Variants in SLC22A31 observed in about 807,000 individuals in gnomAD.
SLC22A31 encodes the protein putative solute carrier family 22 member 31.
Under a neutral mutation model 27.4 loss-of-function variants are expected in SLC22A31, and 42 were observed. That is an observed-to-expected ratio of 1.53 (90% CI 1.20 to 1.98). The LOEUF (loss-of-function observed/expected upper bound fraction) is 1.98, where lower values mean the gene tolerates loss of function less well. SLC22A31 is among the 30% of genes most tolerant of loss of function. SLC22A31 has a pLI of 0.00. For synonymous variants in SLC22A31, 290 were observed against 230.8 expected, an observed-to-expected ratio of 1.26 and a Z score of -2.33; for missense variants, 593 against 479.9, an observed-to-expected ratio of 1.24 and a Z score of -2.20.
intron 8 of SLC22A31, among the ~76,000 whole-genome samples, chr16:89,196,847 G>A (rs1333555865): frequency 2.6e-5 from 4 of 151,820 alleles, no homozygotes; most frequent in African/African-American, 7.3e-5. Context: ...TCAGGAGGCT[G>A]AGGCAGGAGA....
In SLC22A31 at chr16:89,199,415, G is replaced by C. The variant is rs887131777; in HGVS notation, c.281C>G (p.Ala94Gly). 1 of 569,460 alleles carries C rather than the reference G, an allele frequency of 1.8e-6. No homozygotes were observed. The allele number at this position is 569,460 out of a possible 1,614,324, so 35.3% of individuals were successfully genotyped here. A position where few individuals can be genotyped will look rare whatever the true frequency, so the allele number is the denominator to read the frequency against. The change falls in exon 3 of 9, where the codon GCT becomes GGT. Residue 94 changes from alanine (A) to glycine (G), a missense_variant and splice_region_variant. Physicochemically the swap from Ala to Gly is moderately conservative, Grantham distance 60 (BLOSUM62 0). Transcript: ENST00000682282. ...LAGALLALYL[A>G]RLELCDPPHR... Reference sequence around the variant, plus strand: ...ACAGCAGCCCCCAGGGTACTCACGAGCCAGATACAGGGCGAGGAGGGCCCC... The same window carrying C: ...ACAGCAGCCCCCAGGGTACTCACGACCCAGATACAGGGCGAGGAGGGCCCC...
At chr16:89,199,657 T>C in intron 2 of SLC22A31, 56 bp downstream of exon 2, 2 of 403,192 alleles carry the variant, frequency 5.0e-6, no homozygotes, top group East Asian at 7.1e-5. Context: ...AGCTGAACCC[T>C]GAGAGTGGGC....
upstream of SLC22A31, chr16:89,201,664 T>G: frequency 2.5e-6 from 1 of 395,906 alleles, no homozygotes; most frequent in South Asian, 1.3e-4. Flanking sequence ...TCCTGCTCCA[T>G]CGGTCGCAGG....
chr16:89,197,019 C>T (rs1916005510), intron 8 of SLC22A31, among the ~76,000 whole-genome samples: 1 of 152,120 alleles, frequency 6.6e-6, no homozygotes, highest in Non-Finnish European at 1.5e-5. Flanking sequence ...TTCTGGAGGC[C>T]TCCTCATCTC....
Position 89,197,309 on chromosome 16 carries a change from G to A in SLC22A31, c.1023C>T (p.Pro341=), listed in dbSNP as rs1251044663. ...LSSLFAAEVF[P]TVIRGAGLGL... ...ACCCTGAAGCTCACCTGATCACCGT[G>A]GGGAAGACCTCGGCCGCGAAGAGGC... The change falls in exon 8 of 9, where the codon CCC becomes CCT. Residue 341 remains proline, a synonymous_variant. Transcript: ENST00000682282. The A allele has an allele frequency of 1.3e-6, 2 of 1,535,464 alleles. No individual in the cohort carries two copies. Among genetic ancestry groups the A allele is most frequent in the Admixed American group, 3.9e-5 (2 of 50,964 alleles).
chr16:89,199,986 C>T (rs1431227509), intron 1 of SLC22A31, 170 bp from the exon 2 acceptor site: 4 of 397,390 alleles, frequency 1.0e-5, no homozygotes, highest in Non-Finnish European at 1.8e-5. Flanking sequence ...GTCCAGGTCA[C>T]ACAGCAGCCT....
upstream of SLC22A31, chr16:89,201,372 G>C (rs561662480): frequency 1.1e-3 from 395 of 349,034 alleles, 1 homozygote; most frequent in African/African-American, 8.0e-3. Context: ...CCCGGGGCGG[G>C]TGCAGGGCGC....
chr16:89,201,239 G>A, upstream of SLC22A31: 2 of 369,962 alleles, frequency 5.4e-6, no homozygotes, highest in East Asian at 3.9e-5. Context: ...GAGGGCTGCG[G>A]GGCAGCAGGG....
chr16:89,199,738 C>G lies in SLC22A31; in HGVS notation c.103G>C (p.Val35Leu). 1 of 405,026 alleles carries G rather than the reference C, an allele frequency of 2.5e-6. No individual in the cohort carries two copies. Among genetic ancestry groups the G allele is most frequent in the East Asian group, 3.5e-5 (1 of 28,194 alleles). 25.1% of individuals were successfully genotyped at this position (405,026 alleles called of 1,614,324 possible). A position where few individuals can be genotyped will look rare whatever the true frequency, so the allele number is the denominator to read the frequency against. The change falls in exon 2 of 9, where the codon GTC (valine) becomes CTC (leucine). Residue 35 changes from valine (V) to leucine (L), a missense_variant. Coordinates refer to ENST00000682282, the MANE Select transcript of SLC22A31 (RefSeq NM_001384763.1). ...SHLLGWLLGCVILGAGCDRFG... is the reference protein window; with the variant it reads ...SHLLGWLLGCLILGAGCDRFG... ...CGGTCACAGCCTGCTCCCAGGATGA[C>G]ACAGCCCAGCAGCCAGCCCAGGAGG... is the stretch of plus-strand genomic sequence containing the variant.
At chr16:89,197,056 A>G (rs957616350) in intron 8 of SLC22A31, among the ~76,000 whole-genome samples, 1 of 151,386 alleles carries the variant, frequency 6.6e-6, no homozygotes, top group African/African-American at 2.4e-5. Flanking sequence ...TCCTGGCTTC[A>G]GGCCTGCGTG....
At chr16:89,198,928 C>T (rs1916266286) in intron 4 of SLC22A31, 95 bp downstream of exon 4, 4 of 1,493,474 alleles carry the variant, frequency 2.7e-6, no homozygotes, top group South Asian at 2.5e-5. Flanking sequence ...ACCCTGTAAC[C>T]CATGCGTTTA....
At chr16:89,199,902 G>A in intron 1 of SLC22A31, 86 bp from the exon 2 acceptor site, 2 of 400,632 alleles carry the variant, frequency 5.0e-6, no homozygotes, top group East Asian at 3.6e-5. Context: ...GCTACTGGAA[G>A]GGGCCCTCCA....
In SLC22A31 at chr16:89,198,321, G is replaced by A. The variant is rs768310397; in HGVS notation, c.723C>T (p.Gly241=). The change falls in exon 7 of 9, where the codon GGC becomes GGT. Residue 241 remains glycine (G), a synonymous_variant. Transcript: ENST00000682282. ...ILGFSSLVGG[G]IRASFRRSLA... is the part of the protein sequence containing the mutation. Reference sequence around the variant, plus strand: ...GGCTGCGGCGGAAGCTAGCTCTGATGCCTCCACCAACCAGCCTGGGAGAGA... The same window carrying A: ...GGCTGCGGCGGAAGCTAGCTCTGATACCTCCACCAACCAGCCTGGGAGAGA... 1.4e-4 allele frequency: 216 copies of A among 1,535,916 alleles called. No individual in the cohort carries two copies. Among genetic ancestry groups the A allele is most frequent in the Non-Finnish European group, 1.8e-4 (201 of 1,146,866 alleles).
chr16:89,197,300 G>C lies in SLC22A31; in HGVS notation c.1032C>G (p.Ile344Met). The C allele has an allele frequency of 2.0e-6, 3 of 1,535,414 alleles. No homozygotes were observed. The highest frequency in any genetic ancestry group is 2.6e-6 in the Non-Finnish European group (3 of 1,146,562). Reference protein sequence around the residue: ...LFAAEVFPTVIRGAGLGLVLG... With the variant: ...LFAAEVFPTVMRGAGLGLVLG... ...GGCCGGGCAACCCTGAAGCTCACCT[G>C]ATCACCGTGGGGAAGACCTCGGCCG... The change falls in exon 8 of 9, where the codon ATC becomes ATG. Residue 344 changes from isoleucine (I) to methionine (M), a missense_variant and splice_region_variant. By Grantham distance (10) the Ile-to-Met change is conservative. Coordinates refer to ENST00000682282, the MANE Select transcript of SLC22A31 (RefSeq NM_001384763.1).
Position 89,197,401 on chromosome 16 carries a change from C to T in SLC22A31, c.931G>A (p.Gly311Ser). 6.5e-7 allele frequency: 1 copy of T among 1,535,552 alleles called. No individual in the cohort carries two copies. Among genetic ancestry groups the T allele is most frequent in the Non-Finnish European group, 8.7e-7 (1 of 1,146,540 alleles). ...ACAGAGAGGAACAGCACAGTCCAGC[C>T]TGGCAGATCTGGGGACAAAGAACAG... ...LLLAGAQYLP[G>S]WTVLFLSVLG... is the part of the protein sequence containing the mutation. The change falls in exon 8 of 9, where the codon GGC becomes AGC. Residue 311 changes from glycine (G) to serine (S), a missense_variant. Transcript: ENST00000682282.
At chr16:89,198,048 A>C (rs1250644019) in intron 7 of SLC22A31, 74 bp downstream of exon 7, 2 of 1,482,668 alleles carry the variant, frequency 1.3e-6, no homozygotes, top group African/African-American at 2.8e-5. Flanking sequence ...TGTCGGCACT[A>C]TGGCCCCCTG....
Position 89,196,268 on chromosome 16 carries a change from G to C in SLC22A31, c.1072C>G (p.Leu358Val). The C allele has an allele frequency of 6.5e-7, 1 of 1,531,614 alleles. No homozygotes were observed. The highest frequency in any genetic ancestry group is 2.0e-5 in the Admixed American group (1 of 50,848). The allele number at this position is 1,531,614 out of a possible 1,614,324, so 94.9% of individuals were successfully genotyped here. ...TCCAGGGGGCCGGCTGCCTGGCCCA[G>C]GAACCCGGCCCCCAGCACCAGGCCC... Reference protein sequence around the residue: ...GLGLVLGAGFLGQAAGPLDTL... With the variant: ...GLGLVLGAGFVGQAAGPLDTL... Residue 358 changes from leucine (L) to valine (V), a missense_variant, in exon 9 of 9, where the codon CTG becomes GTG. Coordinates refer to ENST00000682282, the MANE Select transcript of SLC22A31 (RefSeq NM_001384763.1).
chr16:89,201,172 G>C (rs1597324418), upstream of SLC22A31: 2 of 377,954 alleles, frequency 5.3e-6, no homozygotes, highest in African/African-American at 4.2e-5. Context: ...GCCCGGGTCA[G>C]AGGCGCCAGG....
In SLC22A31 at chr16:89,196,162, A is replaced by G. The variant is rs1442493435; in HGVS notation, c.1178T>C (p.Leu393Pro). The G allele has an allele frequency of 5.9e-6, 9 of 1,535,170 alleles. No individual in the cohort carries two copies. Among genetic ancestry groups the G allele is most frequent in the South Asian group, 1.2e-5 (1 of 84,058 alleles). The change falls in exon 9 of 9, where the codon CTG becomes CCG. Residue 393 changes from leucine to proline, a missense_variant. Transcript: ENST00000682282. ...SLAVLALLCV[L>P]LLPESRSRGL... ...CCGGCTTCGGCTCTCAGGCAGCAGC[A>G]GGACACACAGCAGGGCAAGGACAGC...
Sources: gnomAD v4.1 joint callset for allele counts (sites outside exome capture counted in the v4.1 genomes callset) on GRCh38, gnomAD v4.1.1 for gene constraint, MANE v1.5 for transcripts, NCBI Gene and HGNC (gene_info 2026-07-23, HGNC 2026-07-21) for gene names.